Variants in FGF14 observed in about 807,000 individuals in gnomAD.
The protein encoded by FGF14 is fibroblast growth factor homologous factor 4.
Under a neutral mutation model 25.5 loss-of-function variants are expected in FGF14, and 5 were observed. The ratio of observed to expected loss-of-function variants is 0.20; its 90% confidence interval spans 0.10 to 0.41. The LOEUF is 0.41. Among genes scored for constraint, FGF14 ranks in the 10% least tolerant of loss-of-function variants. The pLI, the probability that FGF14 is intolerant of heterozygous loss-of-function variation, is 1.00. For missense variants in FGF14, 222 were observed against 320.1 expected (o/e 0.69, Z 2.34); for synonymous variants, 138 against 118.3 (o/e 1.17, Z -1.08).
At chr13:102,093,697 G>A (rs1036869276) in intron 1 of FGF14, among the ~76,000 whole-genome samples, 1 of 151,910 alleles carries the variant, frequency 6.6e-6, no homozygotes, top group African/African-American at 2.4e-5. Flanking sequence ...TTAAGAAGCA[G>A]AGAAAAGTCA....
chr13:102,012,494 C>T (rs2040135066), intron 1 of FGF14, among the ~76,000 whole-genome samples: 1 of 152,048 alleles, frequency 6.6e-6, no homozygotes. Flanking sequence ...CAAAGCTTGT[C>T]ATTTGGGGGT....
Position 102,358,282 on chromosome 13 carries a change from C to T in FGF14, c.208+43189G>A, listed in dbSNP as rs138203564. On this transcript the variant is annotated intron_variant, in intron 1 of 4. Coordinates refer to the FGF14 transcript ENST00000376131. The stretch of plus-strand genomic sequence containing the variant: ...ATATGAAACAAGTAATTTATCATCA[C>T]TGTCTATGACCTTCACTGAGGGCCA... Among the ~76,000 whole-genome samples, 281 of 152,250 alleles carry T rather than the reference C, an allele frequency of 1.8e-3. 3 individuals are homozygous for T. Among genetic ancestry groups the T allele is most frequent in the African/African-American group, 6.1e-3 (255 of 41,548 alleles).
At chr13:101,985,037 G>C (rs915460068) in intron 1 of FGF14, among the ~76,000 whole-genome samples, 1 of 149,856 alleles carries the variant, frequency 6.7e-6, no homozygotes, top group South Asian at 2.1e-4. Flanking sequence ...AGATTGTCAT[G>C]AGCGTATAAA....
At chr13:102,263,070 G>A in intron 1 of FGF14, 1 of 650,576 alleles carries the variant, frequency 1.5e-6, no homozygotes, top group Non-Finnish European at 2.8e-6. Flanking sequence ...CTTTTCCAAT[G>A]TCTCCTTTTG....
chr13:101,721,104 C>T lies in FGF14; in HGVS notation c.*1727G>A, dbSNP rs1455580364. 6.6e-6 allele frequency: 1 copy of T among 152,084 alleles called. No individual in the cohort carries two copies. The highest frequency in any genetic ancestry group is 6.5e-5 in the Admixed American group (1 of 15,270). The allele number at this position is 152,084 out of a possible 1,614,324, so 9.4% of individuals were successfully genotyped here. On this transcript the variant is annotated 3_prime_UTR_variant, in exon 5 of 5. Transcript: ENST00000376143. ...TAGAAAGAATAACAAGAGGCCAGTA[C>T]ATTGATCCCACATATAATTTTCAAT...
At chr13:102,090,825 G>C (rs534544269) in intron 1 of FGF14, among the ~76,000 whole-genome samples, 1 of 152,342 alleles carries the variant, frequency 6.6e-6, no homozygotes, top group African/African-American at 2.4e-5. Context: ...GAGATCCTTT[G>C]TGTTTACAAG....
chr13:101,988,786 A>G (rs2038736463), intron 1 of FGF14, among the ~76,000 whole-genome samples: 1 of 152,040 alleles, frequency 6.6e-6, no homozygotes, highest in Admixed American at 6.6e-5. Flanking sequence ...CAGCACACGA[A>G]CATGGCACAT....
chr13:101,869,103 C>T (rs2044895245), intron 2 of FGF14, among the ~76,000 whole-genome samples: 1 of 152,134 alleles, frequency 6.6e-6, no homozygotes. Context: ...TGTAATCGTG[C>T]CTCTAGAAAC....
chr13:101,940,352 C>T (rs2035367491), intron 1 of FGF14, among the ~76,000 whole-genome samples: 1 of 152,166 alleles, frequency 6.6e-6, no homozygotes, highest in Admixed American at 6.5e-5. Context: ...CTCAAGCATT[C>T]AATAGAGCCT....
chr13:102,080,250 G>A (rs181503696), intron 1 of FGF14, among the ~76,000 whole-genome samples: 495 of 152,252 alleles, frequency 3.3e-3, no homozygotes, highest in Admixed American at 6.3e-3. Flanking sequence ...AGAAGACGAC[G>A]ATGACTTGGG....
At chr13:102,327,959 A>G (rs1405015634) in intron 1 of FGF14, among the ~76,000 whole-genome samples, 2 of 136,852 alleles carry the variant, frequency 1.5e-5, no homozygotes, top group African/African-American at 5.8e-5. Context: ...AGGCAGGATA[A>G]AAGAACCTGG....
At chr13:102,246,768 A>ATG (rs2051894111) in intron 1 of FGF14, among the ~76,000 whole-genome samples, 4 of 151,354 alleles carry the variant, frequency 2.6e-5, no homozygotes, top group Admixed American at 2.6e-4. Context: ...ATATATATAT[A>ATG]TATCCCAAAT....
At chr13:101,755,102 T>C (rs901656205) in intron 3 of FGF14, among the ~76,000 whole-genome samples, 7 of 152,216 alleles carry the variant, frequency 4.6e-5, no homozygotes, top group Non-Finnish European at 8.8e-5. Flanking sequence ...ATAGTAATCA[T>C]AACAATGTCT....
chr13:101,843,924 A>C (rs929340228), intron 3 of FGF14, among the ~76,000 whole-genome samples: 1 of 152,042 alleles, frequency 6.6e-6, no homozygotes, highest in African/African-American at 2.4e-5. Flanking sequence ...TATATCTTTC[A>C]TTTTTAAATT....
At chr13:102,199,990 G>A (rs139809950) in intron 1 of FGF14, among the ~76,000 whole-genome samples, 11 of 152,220 alleles carry the variant, frequency 7.2e-5, no homozygotes, top group Middle Eastern at 3.4e-3. Context: ...AGATCACAGG[G>A]CTTAGCATCC....
intron 1 of FGF14, among the ~76,000 whole-genome samples, chr13:101,989,136 A>G (rs924313546): frequency 1.3e-5 from 2 of 152,090 alleles, no homozygotes; most frequent in African/African-American, 2.4e-5. Flanking sequence ...CTGAAGATAT[A>G]CTTTTCAAAA....
chr13:102,346,910 A>G (rs761579876), intron 1 of FGF14, among the ~76,000 whole-genome samples: 1 of 152,174 alleles, frequency 6.6e-6, no homozygotes, highest in Non-Finnish European at 1.5e-5. Context: ...TCTGTTGTGT[A>G]TTTAAGAACA....
intron 1 of FGF14, among the ~76,000 whole-genome samples, chr13:102,273,583 G>A (rs1306862244): frequency 1.3e-5 from 2 of 152,216 alleles, no homozygotes; most frequent in African/African-American, 4.8e-5. Context: ...GTAACAGATT[G>A]TGTGTGTACT....
At chr13:101,789,382 C>T (rs1392097602) in intron 3 of FGF14, among the ~76,000 whole-genome samples, 2 of 152,080 alleles carry the variant, frequency 1.3e-5, no homozygotes, top group Non-Finnish European at 2.9e-5. Context: ...TGCCTTCATG[C>T]CCCAGTTTCT....
Sources: gnomAD v4.1 joint callset for allele counts (sites outside exome capture counted in the v4.1 genomes callset) on GRCh38, gnomAD v4.1.1 for gene constraint, MANE v1.5 for transcripts, NCBI Gene and HGNC (gene_info 2026-07-23, HGNC 2026-07-21) for gene names.